TRIM15: variants seen among roughly 807,000 people sequenced by gnomAD.
The protein encoded by TRIM15 is tripartite motif containing 15, also known as E3 ubiquitin-protein ligase TRIM15.
TRIM15 carries 35 observed loss-of-function variants against 35.8 expected under a neutral mutation model. The ratio of observed to expected loss-of-function variants is 0.98; its 90% CI spans 0.75 to 1.30. The LOEUF is 1.30. TRIM15 is among the 50% of genes most tolerant of loss of function. TRIM15 has a pLI of 0.00. For missense variants in TRIM15, 590 were observed against 593.5 expected (o/e 0.99, Z 0.06); for synonymous variants, 252 against 249.8 (o/e 1.01, Z -0.08).
At chr6:30,168,619 G>C in intron 3 of TRIM15, 89 bp downstream of exon 3, 2 of 1,281,622 alleles carry the variant, frequency 1.6e-6, no homozygotes, top group Non-Finnish European at 2.2e-6. Context: ...AGAGAGGCAG[G>C]AAAGGGAAGT....
rs778460871 is a variant in TRIM15, at chr6:30,172,541, C to G, written c.*192C>G. ...TCAGCTCCCTGACGTCCTGAGCCTC[C>G]CTGTGACGCTCTGGCCTTCTCTGTA... is the stretch of plus-strand genomic sequence containing the variant. On this transcript the variant is annotated 3_prime_UTR_variant, in exon 7 of 7. Coordinates refer to ENST00000376694, the MANE Select transcript of TRIM15 (RefSeq NM_033229.3). 3 of 859,838 alleles carry G rather than the reference C, an allele frequency of 3.5e-6. No individual in the cohort carries two copies. Among genetic ancestry groups the G allele is most frequent in the Non-Finnish European group, 5.5e-6 (3 of 541,366 alleles). The allele number at this position is 859,838 out of a possible 1,614,324, so 53.3% of individuals were successfully genotyped here. A position where few individuals can be genotyped will look rare whatever the true frequency, so the allele number is the denominator to read the frequency against.
chr6:30,169,463 T>C, intron 4 of TRIM15, 200 bp downstream of exon 4: 6 of 714,650 alleles, frequency 8.4e-6, no homozygotes, highest in Non-Finnish European at 1.5e-5. Flanking sequence ...ATTGATTGGT[T>C]GGTATTGGGG....
chr6:30,171,262 A>C (rs1773997270), intron 6 of TRIM15, among the ~76,000 whole-genome samples: 1 of 152,242 alleles, frequency 6.6e-6, no homozygotes, highest in Admixed American at 6.5e-5. Flanking sequence ...TAATACATGC[A>C]AAGAGCTTAG....
In TRIM15 at chr6:30,172,439, T is replaced by G. The variant is rs969338906; in HGVS notation, c.*90T>G. 9 of 1,499,844 alleles carry G rather than the reference T, an allele frequency of 6.0e-6. No individual in the cohort carries two copies. The African/African-American group carries it at 1.1e-4, about 19-fold the overall frequency. 92.9% of individuals were successfully genotyped at this position (1,499,844 alleles called of 1,614,324 possible). On this transcript the variant is annotated 3_prime_UTR_variant, in exon 7 of 7. Coordinates refer to ENST00000376694, the MANE Select transcript of TRIM15 (RefSeq NM_033229.3). Reference sequence around the variant, plus strand: ...GCCAGTGTGCGGCCCGGGGGCTCCCTGTGCCCGCGTGAGGCGAGAGAACAG... The same window carrying G: ...GCCAGTGTGCGGCCCGGGGGCTCCCGGTGCCCGCGTGAGGCGAGAGAACAG...
At position 30,163,785 on chromosome 6, in the gene TRIM15, C is replaced by G; in HGVS notation, c.101C>G (p.Thr34Ser). 1 of 1,613,044 alleles carries G rather than the reference C, an allele frequency of 6.2e-7. No individual in the cohort carries two copies. ...EDAVTIPCGH[T>S]FCRLCLPALS... is the part of the protein sequence containing the mutation. ...GCGGTGACCATTCCCTGTGGACACA[C>G]CTTCTGCCGGCTCTGCCTCCCCGCG... Residue 34 changes from threonine to serine, a missense_variant, in exon 1 of 7, where the codon ACC becomes AGC. Thr to Ser is a moderately conservative substitution (Grantham distance 58). Coordinates refer to ENST00000376694, the MANE Select transcript of TRIM15 (RefSeq NM_033229.3).
rs1454598244 is a variant in TRIM15, at chr6:30,172,097, C to T, written c.1146C>T (p.Ala382=). Residue 382 remains alanine (A), a synonymous_variant, in exon 7 of 7, where the codon GCC becomes GCT. Coordinates refer to ENST00000376694, the MANE Select transcript of TRIM15 (RefSeq NM_033229.3). ...VRRKGEMGLS[A]EDGVWAVIIS... ...GGAAGGGAGAGATGGGACTCAGCGC[C>T]GAGGACGGCGTCTGGGCCGTGATCA... The T allele has an allele frequency of 2.5e-6, 4 of 1,577,256 alleles. No homozygotes were observed. The highest frequency in any genetic ancestry group is 8.6e-7 in the Non-Finnish European group (1 of 1,161,964).
chr6:30,167,663 T>C (rs563419643), intron 2 of TRIM15, among the ~76,000 whole-genome samples: 2 of 152,284 alleles, frequency 1.3e-5, no homozygotes, highest in East Asian at 1.9e-4. Context: ...CAAAAACATA[T>C]GTTAGTGTCG....
intron 4 of TRIM15, chr6:30,169,610 G>A (rs2523729): frequency 0.074 from 39,597 of 533,400 alleles, 2,173 homozygotes; most frequent in Non-Finnish European, 0.1. Flanking sequence ...ATTTAAAGGG[G>A]GAATACTTTC....
Position 30,171,943 on chromosome 6 carries a change from G to T in TRIM15, c.992G>T (p.Arg331Leu), listed in dbSNP as rs199747350. Residue 331 changes from arginine (R) to leucine (L), a missense_variant, in exon 7 of 7, where the codon CGC becomes CTC. Physicochemically the swap from Arg to Leu is moderately radical, Grantham distance 102. Transcript: ENST00000376694. The part of the protein sequence containing the change: ...QKKSLPDSPL[R>L]FDGLPAVLGF... Reference sequence around the variant, plus strand: ...AAGAGCCTGCCAGACAGCCCCCTGCGCTTCGACGGCCTCCCGGCGGTTCTG... The same window carrying T: ...AAGAGCCTGCCAGACAGCCCCCTGCTCTTCGACGGCCTCCCGGCGGTTCTG... 3.8e-6 allele frequency: 6 copies of T among 1,596,262 alleles called. No homozygotes were observed. Among genetic ancestry groups the T allele is most frequent in the South Asian group, 1.1e-5 (1 of 88,750 alleles).
intron 1 of TRIM15, among the ~76,000 whole-genome samples, chr6:30,164,333 C>T (rs1285245484): frequency 6.6e-6 from 1 of 152,184 alleles, no homozygotes; most frequent in East Asian, 1.9e-4. Flanking sequence ...GCTTCACTCA[C>T]TATGGAAAGA....
Position 30,172,183 on chromosome 6 carries a change from T to A in TRIM15, c.1232T>A (p.Ile411Asn). The change falls in exon 7 of 7, where the codon ATC (isoleucine) becomes AAC (asparagine). Residue 411 changes from isoleucine to asparagine, a missense_variant. Transcript: ENST00000376694. ...GGCACCGACCTGCCGCTGAGCGAGA[T>A]CCCGCGCGGCGTGAGAGTCGCCCTG... ...SPGTDLPLSE[I>N]PRGVRVALDY... The A allele has an allele frequency of 6.2e-7, 1 of 1,606,998 alleles. No individual in the cohort carries two copies. Among genetic ancestry groups the A allele is most frequent in the East Asian group, 2.2e-5 (1 of 44,656 alleles).
Position 30,172,486 on chromosome 6 carries a change from G to T in TRIM15, c.*137G>T. 3.8e-6 allele frequency: 5 copies of T among 1,321,078 alleles called. No homozygotes were observed. Among genetic ancestry groups the T allele is most frequent in the Non-Finnish European group, 5.2e-6 (5 of 960,334 alleles). 81.8% of individuals were successfully genotyped at this position (1,321,078 alleles called of 1,614,324 possible). The stretch of plus-strand genomic sequence containing the variant: ...ACAGGGGACTTGAGTCTCGAACAGC[G>T]GTTGTTTTTACTTTATTTATCTTAG... On this transcript the variant is annotated 3_prime_UTR_variant, in exon 7 of 7. Transcript: ENST00000376694.
intron 1 of TRIM15, among the ~76,000 whole-genome samples, chr6:30,165,390 G>A (rs1356529102): frequency 3.3e-5 from 5 of 152,210 alleles, no homozygotes; most frequent in Non-Finnish European, 5.9e-5. Flanking sequence ...TGCTGAGAAT[G>A]ATGGTTTCCA....
chr6:30,169,855 G>A, intron 4 of TRIM15: 1 of 242,608 alleles, frequency 4.1e-6, no homozygotes, highest in Non-Finnish European at 8.1e-6. Context: ...ATTGTCACGT[G>A]CTTTGTGCCT....
At chr6:30,167,322 A>G in intron 2 of TRIM15, 51 bp downstream of exon 2, 1 of 1,474,874 alleles carries the variant, frequency 6.8e-7, no homozygotes. Context: ...TTCTTAAGAG[A>G]CTCTGGGGAA....
In TRIM15 at chr6:30,168,463, C is replaced by T; in HGVS notation, c.641C>T (p.Thr214Ile). The change falls in exon 3 of 7, where the codon ACC becomes ATC. Residue 214 changes from threonine (T) to isoleucine (I), a missense_variant. Transcript: ENST00000376694. The stretch of plus-strand genomic sequence containing the variant: ...ATCACAAAGGTCTCTGAGGAAGTCA[C>T]CCGGCTTGGAGCCCAGGTCAAGGAG... ...EYITKVSEEV[T>I]RLGAQVKELE... The T allele has an allele frequency of 1.2e-6, 2 of 1,611,756 alleles. No individual in the cohort carries two copies. Among genetic ancestry groups the T allele is most frequent in the South Asian group, 1.1e-5 (1 of 90,808 alleles).
intron 2 of TRIM15, among the ~76,000 whole-genome samples, chr6:30,167,594 T>C (rs564480165): frequency 1.3e-5 from 2 of 152,352 alleles, no homozygotes; most frequent in South Asian, 4.1e-4. Flanking sequence ...TAATTCATTG[T>C]TCTTTCCATC....
At position 30,168,686 on chromosome 6, in the gene TRIM15, C is replaced by A. The variant is rs964089363; in HGVS notation, c.708+156C>A. Reference sequence around the variant, plus strand: ...GGGCTGGAGACTTGCCCAAGTCATACACTGTGGTCATGTTAAGGGGTTTAG... The same window carrying A: ...GGGCTGGAGACTTGCCCAAGTCATAAACTGTGGTCATGTTAAGGGGTTTAG... On this transcript the variant is annotated intron_variant, in intron 3 of 6. Coordinates refer to ENST00000376694, the MANE Select transcript of TRIM15 (RefSeq NM_033229.3). 1.4e-5 allele frequency: 10 copies of A among 717,062 alleles called. No individual in the cohort carries two copies. The African/African-American group carries it at 1.7e-4, about 13-fold the overall frequency. 44.4% of individuals were successfully genotyped at this position (717,062 alleles called of 1,614,324 possible).
intron 6 of TRIM15, 109 bp from the exon 7 acceptor site, chr6:30,171,723 G>A: frequency 6.5e-6 from 9 of 1,380,490 alleles, no homozygotes; most frequent in Non-Finnish European, 6.7e-6. Context: ...GTGGCCCAAT[G>A]GCAGGCTGCC....
Sources: gnomAD v4.1 joint callset for allele counts (sites outside exome capture counted in the v4.1 genomes callset) on GRCh38, gnomAD v4.1.1 for gene constraint, MANE v1.5 for transcripts, NCBI Gene and HGNC (gene_info 2026-07-23, HGNC 2026-07-21) for gene names.